DEPDC5: variants seen among roughly 807,000 people sequenced by gnomAD.
DEPDC5 encodes DEP domain containing 5, GATOR1 subcomplex subunit, also known as GATOR1 complex protein DEPDC5.
DEPDC5 carries 73 observed loss-of-function variants against 217.3 expected under a neutral mutation model. The observed-to-expected ratio is 0.34, with a 90% CI of 0.28 to 0.41. DEPDC5 has a LOEUF of 0.41. DEPDC5 is among the 10% of genes least tolerant of loss of function. DEPDC5 has a pLI of 1.00. For missense variants in DEPDC5, 1,675 were observed against 2,070.1 expected, an observed-to-expected ratio of 0.81 and a Z score of 3.70; for synonymous variants, 733 against 756.7, an observed-to-expected ratio of 0.97 and a Z score of 0.51.
At chr22:31,836,865 C>A (rs1376493392) in intron 25 of DEPDC5, 107 bp from the exon 26 acceptor site, 2 of 1,078,276 alleles carry the variant, frequency 1.9e-6, no homozygotes, top group Non-Finnish European at 1.4e-6. Context: ...CCATCTTTCA[C>A]CCTGAACTTT....
intron 40 of DEPDC5, among the ~76,000 whole-genome samples, chr22:31,899,625 C>T (rs2093613328): frequency 6.6e-6 from 1 of 152,206 alleles, no homozygotes; most frequent in South Asian, 2.1e-4. Flanking sequence ...TTCCTGACCT[C>T]AGGTGATCTG....
intron 12 of DEPDC5, 54 bp downstream of exon 12, chr22:31,792,871 C>G: frequency 7.2e-7 from 1 of 1,391,528 alleles, no homozygotes; most frequent in East Asian, 2.8e-5. Flanking sequence ...TGTTTCTTTC[C>G]TAACTTAAAA....
chr22:31,838,691 C>A lies in DEPDC5; in HGVS notation c.2361C>A (p.Asp787Glu). ...LLPEADIDRR[D>E]EDGVQMTAQQ... is the part of the protein sequence containing the mutation. ...AATCATCTGTTGTTTTCAGGAGGGA[C>A]GAAGATGGTGTGCAGATGACAGCCC... Residue 787 changes from aspartate (D) to glutamate (E), a missense_variant, in exon 27 of 43, where the codon GAC becomes GAA. Asp to Glu is a conservative substitution (Grantham distance 45). Coordinates refer to ENST00000651528, the MANE Select transcript of DEPDC5 (RefSeq NM_001242896.3). 6.2e-7 allele frequency: 1 copy of A among 1,613,804 alleles called. No individual in the cohort carries two copies. Among genetic ancestry groups the A allele is most frequent in the African/African-American group, 1.3e-5 (1 of 75,018 alleles).
At chr22:31,893,229 A>ATATC (rs1347496882) in intron 38 of DEPDC5, among the ~76,000 whole-genome samples, 2 of 152,046 alleles carry the variant, frequency 1.3e-5, no homozygotes, top group Non-Finnish European at 2.9e-5. Context: ...ATCTAACATG[A>ATATC]TATCCTACAG....
chr22:31,843,782 A>G lies in DEPDC5; in HGVS notation c.2771A>G (p.Tyr924Cys), dbSNP rs1359305076. 3 of 1,610,952 alleles carry G rather than the reference A, an allele frequency of 1.9e-6. No homozygotes were observed. The highest frequency in any genetic ancestry group is 1.7e-5 in the Admixed American group (1 of 59,984). Residue 924 changes from tyrosine (Y) to cysteine (C), a missense_variant, in exon 29 of 43, where the codon TAT (tyrosine) becomes TGT (cysteine). By Grantham distance (194) the Tyr-to-Cys change is radical (BLOSUM62 -2). This residue lies in a region of DEPDC5 where 293 missense variants were observed against 386.1 expected (regional missense o/e 0.76). Transcript: ENST00000651528. ...TACAAGTGGAATTACTTAGATCAGTATATCTGTTCTGCCGGCTCTGAAGAC... is the reference window on the plus strand; with the variant it reads ...TACAAGTGGAATTACTTAGATCAGTGTATCTGTTCTGCCGGCTCTGAAGAC... ...EEYKWNYLDQYICSAGSEDFS... is the reference protein window; with the variant it reads ...EEYKWNYLDQCICSAGSEDFS...
intron 31 of DEPDC5, among the ~76,000 whole-genome samples, chr22:31,847,542 C>T (rs955623304): frequency 6.6e-6 from 1 of 152,186 alleles, no homozygotes; most frequent in Non-Finnish European, 1.5e-5. Flanking sequence ...CTTCACATGG[C>T]AGCAGCAAAA....
At chr22:31,786,807 G>A (rs546253476) in intron 10 of DEPDC5, among the ~76,000 whole-genome samples, 5 of 151,694 alleles carry the variant, frequency 3.3e-5, no homozygotes, top group African/African-American at 2.4e-5. Flanking sequence ...ACAGGGTCTC[G>A]TTTTGTTGCC....
rs2089704990 is a variant in DEPDC5 at position 31,821,597 on chromosome 22, G to C, written c.1966G>C (p.Ala656Pro). 3 of 1,614,174 alleles carry C rather than the reference G, an allele frequency of 1.9e-6. No homozygotes were observed. Among genetic ancestry groups the C allele is most frequent in the Non-Finnish European group, 2.5e-6 (3 of 1,179,994 alleles). Residue 656 changes from alanine (A) to proline (P), a missense_variant, in exon 23 of 43, where the codon GCA becomes CCA. By Grantham distance (27) the Ala-to-Pro change is conservative. Coordinates refer to ENST00000651528, the MANE Select transcript of DEPDC5 (RefSeq NM_001242896.3). ...SGQRDPTHSSAELLELAYHEA... is the reference protein window; with the variant it reads ...SGQRDPTHSSPELLELAYHEA... ...GCAGAGGGATCCAACTCACTCCTCTGCAGAGCTGCTGGAGTTAGCATATCA... is the reference window on the plus strand; with the variant it reads ...GCAGAGGGATCCAACTCACTCCTCTCCAGAGCTGCTGGAGTTAGCATATCA...
intron 38 of DEPDC5, among the ~76,000 whole-genome samples, chr22:31,886,359 T>C (rs1402248117): frequency 6.6e-6 from 1 of 152,170 alleles, no homozygotes; most frequent in African/African-American, 2.4e-5. Flanking sequence ...TCCAAAGCCT[T>C]CTTCTAATGC....
At chr22:31,779,351 G>A (rs977865356) in intron 8 of DEPDC5, among the ~76,000 whole-genome samples, 2 of 152,166 alleles carry the variant, frequency 1.3e-5, no homozygotes, top group Admixed American at 6.6e-5. Flanking sequence ...CACCATAATC[G>A]TGCCTTTGCT....
At chr22:31,792,605 CAAAA>C (rs61603320) in intron 11 of DEPDC5, 136 bp from the exon 12 acceptor site, 4,582 of 151,612 alleles carry the variant, frequency 0.03, no homozygotes, top group South Asian at 0.036. Context: ...GACCTTGTCT[CAAAA>C]AAAAAAAAAA....
At chr22:31,836,892 T>C in intron 25 of DEPDC5, 80 bp from the exon 26 acceptor site, 10 of 900,302 alleles carry the variant, frequency 1.1e-5, no homozygotes, top group East Asian at 3.1e-5. Context: ...CACTCTTCCC[T>C]CCCCTTCCCT....
intron 39 of DEPDC5, among the ~76,000 whole-genome samples, chr22:31,895,164 G>GGAAA (rs1370744017): frequency 6.9e-6 from 1 of 145,424 alleles, no homozygotes; most frequent in South Asian, 2.2e-4. Context: ...AAAAAAAAAA[G>GGAAA]GAAAGAAAGA....
At chr22:31,887,438 AAG>A (rs1491485119) in intron 38 of DEPDC5, among the ~76,000 whole-genome samples, 1 of 151,354 alleles carries the variant, frequency 6.6e-6, no homozygotes, top group Non-Finnish European at 1.5e-5. Flanking sequence ...AAAAAAAAAA[AAG>A]AGAAAAGTCA....
chr22:31,891,085 C>T, intron 38 of DEPDC5: 1 of 305,850 alleles, frequency 3.3e-6, no homozygotes, highest in South Asian at 3.9e-5. Context: ...AAAATAATAC[C>T]ACAGAACAAC....
chr22:31,763,420 A>G lies in DEPDC5; in HGVS notation c.194-1555A>G, dbSNP rs543248908. 2.3e-4 allele frequency among the ~76,000 whole-genome samples: 34 copies of G among 149,144 alleles called. 1 individual carries two copies. The South Asian group carries it at 7.0e-3, about 31-fold the overall frequency. On this transcript the variant is annotated intron_variant, in intron 4 of 42. Transcript: ENST00000651528. ...GATTACAGGCGTGAGCCACTGCACC[A>G]TTGCCCCTGCCTTTTTTTTTTTTCT...
intron 19 of DEPDC5, among the ~76,000 whole-genome samples, chr22:31,809,950 C>G (rs1255898826): frequency 6.6e-6 from 1 of 152,112 alleles, no homozygotes; most frequent in Admixed American, 6.6e-5. Context: ...CCATTGCACT[C>G]CAGGCTGGGT....
chr22:31,883,120 A>G (rs2093220137), intron 38 of DEPDC5, among the ~76,000 whole-genome samples: 1 of 152,186 alleles, frequency 6.6e-6, no homozygotes. Context: ...TCTACCCAGT[A>G]GCACTACCAG....
intron 15 of DEPDC5, 26 bp from the exon 16 acceptor site, chr22:31,804,136 A>G (rs764816718): frequency 2.5e-6 from 4 of 1,613,078 alleles, no homozygotes; most frequent in Non-Finnish European, 2.5e-6. Context: ...CCTCCCCACA[A>G]TTCTTTTTGT....
Sources: allele counts gnomAD v4.1 joint callset (sites outside exome capture counted in the v4.1 genomes callset), GRCh38; gene constraint gnomAD v4.1.1; regional missense constraint gnomAD v4.1.1; transcripts MANE v1.5; gene names NCBI Gene and HGNC (gene_info 2026-07-23, HGNC 2026-07-21).